The following SLC25A26 variants were observed in gnomAD, a reference collection of about 807,000 sequenced individuals.
SLC25A26 encodes the protein solute carrier family 25 member 26, also known as mitochondrial S-adenosylmethionine carrier protein.
SLC25A26 carries 36 observed loss-of-function variants against 37.8 expected under a neutral mutation model. The observed-to-expected ratio is 0.95, with a 90% CI of 0.73 to 1.26. The LOEUF (loss-of-function observed/expected upper bound fraction) is 1.26. Ranked by LOEUF, SLC25A26 falls within the 50% of genes most tolerant of loss-of-function variation. The probability of loss-of-function intolerance (pLI) is 0.00; values close to 1 mark genes in which losing one functional copy is unlikely to be tolerated. For missense variants in SLC25A26, 390 were observed against 331.1 expected (o/e 1.18, Z -1.38); for synonymous variants, 129 against 122.5 (o/e 1.05, Z -0.35).
At chr3:66,210,402 A>C (rs2106835544) in intron 1 of SLC25A26, among the ~76,000 whole-genome samples, 1 of 152,280 alleles carries the variant, frequency 6.6e-6, no homozygotes, top group African/African-American at 2.4e-5. Context: ...TGGAAAAGAC[A>C]GTCTCCCTTA....
At chr3:66,201,810 T>A (rs2071114649) in intron 1 of SLC25A26, among the ~76,000 whole-genome samples, 1 of 152,194 alleles carries the variant, frequency 6.6e-6, no homozygotes, top group East Asian at 1.9e-4. Flanking sequence ...ACTATTTCTT[T>A]TGCAACCATA....
In SLC25A26 at chr3:66,305,219, G is replaced by A. The variant is rs529706753; in HGVS notation, c.454-41145G>A. ...TGGGAGAAGCAGCGTCTAAATTTAGGAAATGGATTTCTTTTCTGTTACTAA... is the reference window on the plus strand; with the variant it reads ...TGGGAGAAGCAGCGTCTAAATTTAGAAAATGGATTTCTTTTCTGTTACTAA... On this transcript the variant is annotated intron_variant, in intron 5 of 9. Coordinates refer to ENST00000354883, the MANE Select transcript of SLC25A26 (RefSeq NM_001379210.1). 2.6e-5 allele frequency among the ~76,000 whole-genome samples: 4 copies of A among 152,296 alleles called. No homozygotes were observed. In the South Asian group the frequency reaches 8.3e-4, roughly 32 times the overall value.
intron 3 of SLC25A26, among the ~76,000 whole-genome samples, chr3:66,252,248 T>C (rs1198600338): frequency 2.0e-5 from 3 of 152,232 alleles, no homozygotes; most frequent in Non-Finnish European, 2.9e-5. Flanking sequence ...CTGTCACTTA[T>C]TTGCTTTGGT....
chr3:66,188,005 A>G, intron 1 of SLC25A26, among the ~76,000 whole-genome samples: 1 of 152,066 alleles, frequency 6.6e-6, no homozygotes, highest in East Asian at 1.9e-4. Context: ...CCTCACTATT[A>G]CCATGTCTCT....
At chr3:66,151,966 T>C (rs1408733818) in intron 1 of SLC25A26, among the ~76,000 whole-genome samples, 1 of 152,076 alleles carries the variant, frequency 6.6e-6, no homozygotes, top group Non-Finnish European at 1.5e-5. Flanking sequence ...GTAGAATGAG[T>C]GAAAGAATGA....
chr3:66,305,743 A>C (rs1326827154), intron 5 of SLC25A26, among the ~76,000 whole-genome samples: 1 of 152,058 alleles, frequency 6.6e-6, no homozygotes, highest in Non-Finnish European at 1.5e-5. Flanking sequence ...TGCTATTGTG[A>C]ATAGTGCTGC....
At chr3:66,146,330 A>G (rs2070114404) in intron 1 of SLC25A26, among the ~76,000 whole-genome samples, 1 of 151,174 alleles carries the variant, frequency 6.6e-6, no homozygotes, top group Non-Finnish European at 1.5e-5. Context: ...ACAGAGCGAG[A>G]TTCAGTCTCA....
chr3:66,287,817 T>G (rs996816072), intron 5 of SLC25A26, among the ~76,000 whole-genome samples: 3 of 152,236 alleles, frequency 2.0e-5, no homozygotes, highest in African/African-American at 7.2e-5. Flanking sequence ...ATTATTTGCT[T>G]CTTATTGTAG....
At chr3:66,287,213 G>C (rs1200333535) in intron 5 of SLC25A26, among the ~76,000 whole-genome samples, 1 of 151,548 alleles carries the variant, frequency 6.6e-6, no homozygotes, top group Non-Finnish European at 1.5e-5. Context: ...GGAGAATAGC[G>C]TGAACCTGGG....
In SLC25A26 at chr3:66,309,467, A is replaced by AT. The variant is rs199870906; in HGVS notation, c.454-36887dup. On this transcript the variant is annotated intron_variant, in intron 5 of 9. Coordinates refer to ENST00000354883, the MANE Select transcript of SLC25A26 (RefSeq NM_001379210.1). ...AAAAAACCAGCTCCTGGATTCATTG[A>AT]TTTTTTTTTTAAAGTGTTTTTCATG... 2.0e-3 allele frequency among the ~76,000 whole-genome samples: 306 copies of AT among 149,864 alleles called. 4 individuals are homozygous for AT. The highest frequency in any genetic ancestry group is 8.5e-4 in the Non-Finnish European group (57 of 67,214).
chr3:66,221,105 C>T lies in SLC25A26; in HGVS notation c.11C>T (p.Pro4Leu), dbSNP rs1438475732. ...GAGGTCTGAGCGACCATGGACCGGC[C>T]GGGGTTCGTGGCAGCGCTGGTGGTG... MDR[P>L]GFVAALVAGG... Residue 4 changes from proline (P) to leucine (L), a missense_variant, in exon 1 of 10, where the codon CCG becomes CTG. Physicochemically the swap from Pro to Leu is moderately conservative, Grantham distance 98 (BLOSUM62 -3). Transcript: ENST00000354883. 1.6e-5 allele frequency: 25 copies of T among 1,530,930 alleles called. No individual in the cohort carries two copies. Among genetic ancestry groups the T allele is most frequent in the East Asian group, 2.5e-5 (1 of 40,080 alleles). 94.8% of individuals were successfully genotyped at this position (1,530,930 alleles called of 1,614,324 possible). A position where few individuals can be genotyped will look rare whatever the true frequency, so the allele number is the denominator to read the frequency against.
intron 1 of SLC25A26, among the ~76,000 whole-genome samples, chr3:66,200,066 C>T (rs2106811026): frequency 6.6e-6 from 1 of 152,280 alleles, no homozygotes; most frequent in East Asian, 1.9e-4. Context: ...TTCAAATATA[C>T]TGCTTTGATT....
chr3:66,260,787 A>G (rs932844172), intron 3 of SLC25A26, among the ~76,000 whole-genome samples: 1 of 152,204 alleles, frequency 6.6e-6, no homozygotes, highest in Admixed American at 6.5e-5. Context: ...TTTAATTTAT[A>G]TATTATTATG....
At chr3:66,340,245 A>C (rs1022364472) in intron 5 of SLC25A26, among the ~76,000 whole-genome samples, 4 of 151,932 alleles carry the variant, frequency 2.6e-5, no homozygotes, top group African/African-American at 4.8e-5. Flanking sequence ...AGTTTTGTTC[A>C]TTGTAGCTAC....
Position 66,236,545 on chromosome 3 carries a change from C to T in SLC25A26, c.35C>T (p.Ala12Val). The T allele has an allele frequency of 7.0e-7, 1 of 1,419,202 alleles. No homozygotes were observed. The highest frequency in any genetic ancestry group is 9.3e-7 in the Non-Finnish European group (1 of 1,076,406). 87.9% of individuals were successfully genotyped at this position (1,419,202 alleles called of 1,614,324 possible). Residue 12 changes from alanine to valine, a missense_variant and splice_region_variant, in exon 2 of 10, where the codon GCT (alanine) becomes GTT (valine). Ala to Val is a moderately conservative substitution (Grantham distance 64, BLOSUM62 0). Transcript: ENST00000354883. ...DRPGFVAALV[A>V]GGVAGVSVDL... ...TTCTTCCCTCTTTTTTTTTCAAAGG[C>T]TGGTGGGGTAGCAGGTGTTTCTGTT...
chr3:66,247,054 C>T (rs1178633167), intron 3 of SLC25A26, among the ~76,000 whole-genome samples: 4 of 151,656 alleles, frequency 2.6e-5, no homozygotes, highest in Admixed American at 1.3e-4. Flanking sequence ...TTAGTAGAGA[C>T]GGGGTTTCAC....
chr3:66,140,574 C>CT (rs2070019065), intron 1 of SLC25A26, among the ~76,000 whole-genome samples: 1 of 152,196 alleles, frequency 6.6e-6, no homozygotes, highest in Non-Finnish European at 1.5e-5. Context: ...GAGGTAAAAA[C>CT]TAGAAAATGT....
intron 1 of SLC25A26, among the ~76,000 whole-genome samples, chr3:66,186,115 C>G (rs1358251600): frequency 1.3e-5 from 2 of 151,964 alleles, no homozygotes; most frequent in South Asian, 2.1e-4. Flanking sequence ...ATACCTGACC[C>G]TATTCTTCAT....
chr3:66,233,182 G>GA (rs1308338243), intron 1 of SLC25A26, among the ~76,000 whole-genome samples: 2 of 152,146 alleles, frequency 1.3e-5, no homozygotes, highest in African/African-American at 4.8e-5. Flanking sequence ...CTCCTTTTGA[G>GA]AAAAAAAGTT....
Sources: allele counts gnomAD v4.1 joint callset (sites outside exome capture counted in the v4.1 genomes callset), GRCh38; gene constraint gnomAD v4.1.1; transcripts MANE v1.5; gene names NCBI Gene and HGNC (gene_info 2026-07-23, HGNC 2026-07-21).